The following DZIP1 variants were observed in gnomAD, a reference collection of about 807,000 sequenced individuals.
DZIP1 encodes cilium assembly protein DZIP1.
Under a neutral mutation model 107.6 loss-of-function variants are expected in DZIP1, and 97 were observed. The observed-to-expected ratio is 0.90, with a 90% CI of 0.77 to 1.07. The LOEUF (loss-of-function observed/expected upper bound fraction) is 1.07, where lower values mean the gene tolerates loss of function less well. Among genes scored for constraint, DZIP1 ranks in the 50% least tolerant of loss-of-function variants. The probability of loss-of-function intolerance (pLI) is 0.00; values close to 1 mark genes in which losing one functional copy is unlikely to be tolerated. For synonymous variants in DZIP1, 390 were observed against 386.4 expected, an observed-to-expected ratio of 1.01 and a Z score of -0.11; for missense variants, 1,035 against 1,063.6, an observed-to-expected ratio of 0.97 and a Z score of 0.37.
chr13:95,640,294 G>T (rs1023312271), intron 5 of DZIP1, among the ~76,000 whole-genome samples: 1 of 152,028 alleles, frequency 6.6e-6, no homozygotes, highest in Admixed American at 6.6e-5. Flanking sequence ...CACTGCACCC[G>T]GCCACTGTTC....
intron 7 of DZIP1, among the ~76,000 whole-genome samples, chr13:95,625,580 C>A (rs1478776568): frequency 6.6e-6 from 1 of 151,996 alleles, no homozygotes; most frequent in Non-Finnish European, 1.5e-5. Flanking sequence ...CAAAATCATG[C>A]AAAGATTCTT....
chr13:95,599,271 G>A lies in DZIP1; in HGVS notation c.1537+94C>T, dbSNP rs567180133. On this transcript the variant is annotated intron_variant, in intron 15 of 22. Coordinates refer to ENST00000376829, the MANE Select transcript of DZIP1 (RefSeq NM_198968.4). Reference sequence around the variant, plus strand: ...AAATGTCTTTCCTAATTTTGATGTAGTGGAATAAAAACCACTGGCTCATAT... The same window carrying A: ...AAATGTCTTTCCTAATTTTGATGTAATGGAATAAAAACCACTGGCTCATAT... 3.3e-5 allele frequency: 36 copies of A among 1,079,324 alleles called. No individual in the cohort carries two copies. The Admixed American group carries it at 3.7e-4, about 11-fold the overall frequency. 66.9% of individuals were successfully genotyped at this position (1,079,324 alleles called of 1,614,324 possible).
Position 95,641,550 on chromosome 13 carries a change from G to T in DZIP1, c.342C>A (p.Asp114Glu), listed in dbSNP as rs1465344955. 2 of 1,613,932 alleles carry T rather than the reference G, an allele frequency of 1.2e-6. No individual in the cohort carries two copies. Among genetic ancestry groups the T allele is most frequent in the Admixed American group, 1.7e-5 (1 of 60,032 alleles). Residue 114 changes from aspartate (D) to glutamate (E), a missense_variant, in exon 5 of 23, where the codon GAC (aspartate) becomes GAA (glutamate). Asp to Glu is a conservative substitution (Grantham distance 45). Transcript: ENST00000376829. This position sits in a 1 kb window ranked among gnomAD's most constrained non-coding sequence, Gnocchi z 4.3. The part of the protein sequence containing the change: ...EKCPHCQSGV[D>E]PVLLKLIRLA... ...GACGGATGAGCTTCAGCAGCACCGG[G>T]TCCACCCCCGACTGGCAGTGTGGGC... is the stretch of plus-strand genomic sequence containing the variant.
chr13:95,614,126 A>T (rs1874741563), intron 10 of DZIP1, among the ~76,000 whole-genome samples: 1 of 4,366 alleles, frequency 2.3e-4, no homozygotes, highest in African/African-American at 5.2e-4. Flanking sequence ...ACCCTGTCTC[A>T]AAAAAAAAAA....
chr13:95,624,544 A>T (rs991737540), intron 8 of DZIP1, among the ~76,000 whole-genome samples: 4 of 152,214 alleles, frequency 2.6e-5, no homozygotes, highest in African/African-American at 9.6e-5. Context: ...TCTATATCTC[A>T]CCACGAGTGT....
intron 8 of DZIP1, 134 bp from the exon 9 acceptor site, chr13:95,622,614 C>T (rs944960250): frequency 3.4e-6 from 3 of 882,896 alleles, no homozygotes; most frequent in Non-Finnish European, 5.3e-6. Flanking sequence ...CTCTTGGACG[C>T]TTCTCCTGCT....
At chr13:95,626,623 T>A (rs1332623544) in intron 7 of DZIP1, among the ~76,000 whole-genome samples, 1 of 152,040 alleles carries the variant, frequency 6.6e-6, no homozygotes, top group Non-Finnish European at 1.5e-5. Context: ...TTTAAAAAAA[T>A]AACATAGAAT....
chr13:95,592,156 G>A (rs2044327735), intron 16 of DZIP1, among the ~76,000 whole-genome samples: 1 of 152,072 alleles, frequency 6.6e-6, no homozygotes, highest in Admixed American at 6.5e-5. Context: ...AATTAAGTTA[G>A]CTCTCCAAAT....
At chr13:95,596,003 G>A (rs760995643) in intron 15 of DZIP1, among the ~76,000 whole-genome samples, 1 of 152,042 alleles carries the variant, frequency 6.6e-6, no homozygotes, top group Non-Finnish European at 1.5e-5. Context: ...TGCAGATTAC[G>A]CATTTCCCCC....
intron 6 of DZIP1, among the ~76,000 whole-genome samples, chr13:95,631,120 T>C (rs1877142484): frequency 6.6e-6 from 1 of 151,814 alleles, no homozygotes; most frequent in African/African-American, 2.4e-5. Context: ...AGGTACTGAG[T>C]ATATAAGCCA....
chr13:95,605,455 A>G (rs2044744738), intron 14 of DZIP1, among the ~76,000 whole-genome samples: 1 of 152,242 alleles, frequency 6.6e-6, no homozygotes, highest in African/African-American at 2.4e-5. Flanking sequence ...GTTAATAACA[A>G]TTATCACCCT....
chr13:95,589,816 T>A lies in DZIP1; in HGVS notation c.1960A>T (p.Thr654Ser). The A allele has an allele frequency of 6.2e-7, 1 of 1,613,888 alleles. No homozygotes were observed. The highest frequency in any genetic ancestry group is 8.5e-7 in the Non-Finnish European group (1 of 1,179,874). ...TGAAATACTCACTTTGGAACAGATG[T>A]CCTATCAGTAGAAACAGCTTTTTGT... Reference protein sequence around the residue: ...IRQKAVSTDRTSVPKIKKNVM... With the variant: ...IRQKAVSTDRSSVPKIKKNVM... The change falls in exon 18 of 23, where the codon ACA becomes TCA. Residue 654 changes from threonine to serine, a missense_variant. Transcript: ENST00000376829.
chr13:95,584,690 A>G, intron 22 of DZIP1, 46 bp downstream of exon 22: 2 of 1,568,228 alleles, frequency 1.3e-6, no homozygotes, highest in Non-Finnish European at 1.7e-6. Flanking sequence ...AAACACAACT[A>G]ATAAGAAAAT....
chr13:95,611,019 C>G (rs2044986214), intron 12 of DZIP1, among the ~76,000 whole-genome samples: 1 of 152,182 alleles, frequency 6.6e-6, no homozygotes, highest in Non-Finnish European at 1.5e-5. Flanking sequence ...GACTGAAACA[C>G]TATTCGTATT....
chr13:95,613,499 G>A (rs368514828), intron 10 of DZIP1, among the ~76,000 whole-genome samples: 13 of 145,484 alleles, frequency 8.9e-5, no homozygotes, highest in South Asian at 6.5e-4. Context: ...GTGACAGAGC[G>A]AGATTCCGTC....
At chr13:95,617,494 C>T (rs1875263924) in intron 10 of DZIP1, among the ~76,000 whole-genome samples, 1 of 152,140 alleles carries the variant, frequency 6.6e-6, no homozygotes, top group Non-Finnish European at 1.5e-5. Flanking sequence ...TACATGCCAT[C>T]TTCACCCACT....
intron 5 of DZIP1, among the ~76,000 whole-genome samples, chr13:95,633,779 T>C (rs193061035): frequency 1.3e-5 from 2 of 151,488 alleles, no homozygotes; most frequent in African/African-American, 2.4e-5. Flanking sequence ...ACTGAAAGCA[T>C]GACTAATAGA....
Position 95,594,016 on chromosome 13 carries a change from G to A in DZIP1, c.1608C>T (p.Ser536=), listed in dbSNP as rs1231335814. 6.2e-7 allele frequency: 1 copy of A among 1,611,664 alleles called. No individual in the cohort carries two copies. Among genetic ancestry groups the A allele is most frequent in the African/African-American group, 1.3e-5 (1 of 74,760 alleles). ...CCATTGTTCTTAGTCCCTTAGTGAG[G>A]GAGGAGTTACTCTTCAAAGCTTTCC... ...HLRKALKSNS[S]LTKGLRTMVE... Residue 536 remains serine (S), a synonymous_variant, in exon 16 of 23, where the codon TCC becomes TCT. Transcript: ENST00000376829.
chr13:95,633,400 T>G, intron 5 of DZIP1, 79 bp from the exon 6 acceptor site: 126 of 1,158,594 alleles, frequency 1.1e-4, no homozygotes, highest in Non-Finnish European at 1.5e-4. Flanking sequence ...TTCAGGTACC[T>G]GGCCAGGCAC....
Sources: allele counts gnomAD v4.1 joint callset (sites outside exome capture counted in the v4.1 genomes callset), GRCh38; gene constraint gnomAD v4.1.1; non-coding constraint Gnocchi (gnomAD v3.1); transcripts MANE v1.5; gene names NCBI Gene and HGNC (gene_info 2026-07-23, HGNC 2026-07-21).